CA10: variants seen among roughly 807,000 people sequenced by gnomAD.
CA10 encodes the protein carbonic anhydrase-related protein 10.
Under a neutral mutation model 44.2 loss-of-function variants are expected in CA10, and 14 were observed. The observed-to-expected ratio is 0.32, with a 90% CI of 0.21 to 0.50. The LOEUF (loss-of-function observed/expected upper bound fraction) is 0.50. Ranked by LOEUF, CA10 falls within the 20% of genes least tolerant of loss-of-function variation. The probability of loss-of-function intolerance (pLI) is 0.99; values close to 1 mark genes in which losing one functional copy is unlikely to be tolerated. For missense variants in CA10, 350 were observed against 409.7 expected (o/e 0.85, Z 1.26); for synonymous variants, 159 against 141.6 (o/e 1.12, Z -0.87).
chr17:51,992,432 A>G (rs1214894468), intron 2 of CA10, among the ~76,000 whole-genome samples: 1 of 152,090 alleles, frequency 6.6e-6, no homozygotes, highest in Non-Finnish European at 1.5e-5. Flanking sequence ...TATTTTCTCT[A>G]TATGCCTATA....
At chr17:52,113,580 G>A (rs907445054) in intron 1 of CA10, among the ~76,000 whole-genome samples, 7 of 152,124 alleles carry the variant, frequency 4.6e-5, no homozygotes, top group Non-Finnish European at 1.0e-4. Flanking sequence ...GACAACAGTG[G>A]AAAAGATACT....
rs1467397435 is a variant in CA10 at position 51,959,249 on chromosome 17, G to T, written c.137-28117C>A. Among the ~76,000 whole-genome samples the T allele has an allele frequency of 2.9e-5, 4 of 138,456 alleles. 1 individual carries two copies. The highest frequency in any genetic ancestry group is 1.1e-4 in the African/African-American group (4 of 36,782). The allele number at this position is 138,456 out of a possible 152,430, so 90.8% of individuals were successfully genotyped here. ...TTTGAGCAGAGAAACTGGAAAACTAGGTTCCTATTGTTCTCTCTCTCGCTC... is the reference window on the plus strand; with the variant it reads ...TTTGAGCAGAGAAACTGGAAAACTATGTTCCTATTGTTCTCTCTCTCGCTC... On this transcript the variant is annotated intron_variant, in intron 2 of 8. Coordinates refer to ENST00000451037, the MANE Select transcript of CA10 (RefSeq NM_020178.5).
At chr17:51,915,386 C>T (rs985213087) in intron 3 of CA10, among the ~76,000 whole-genome samples, 1 of 152,224 alleles carries the variant, frequency 6.6e-6, no homozygotes, top group African/African-American at 2.4e-5. Flanking sequence ...ACATTCTTCC[C>T]TTTGGTTAAT....
chr17:52,010,470 A>G (rs1985751331), intron 2 of CA10, among the ~76,000 whole-genome samples: 1 of 151,966 alleles, frequency 6.6e-6, no homozygotes, highest in Non-Finnish European at 1.5e-5. Context: ...AATGGCATTC[A>G]CAGCAACCTG....
At chr17:51,916,497 A>G (rs960282303) in intron 3 of CA10, among the ~76,000 whole-genome samples, 2 of 152,122 alleles carry the variant, frequency 1.3e-5, no homozygotes, top group Non-Finnish European at 2.9e-5. Context: ...TTCTTGTGAG[A>G]GTAAGTTTCA....
chr17:51,686,728 C>G (rs1406941534), intron 4 of CA10, among the ~76,000 whole-genome samples: 1 of 152,034 alleles, frequency 6.6e-6, no homozygotes, highest in African/African-American at 2.4e-5. Context: ...GTAATATGAC[C>G]AAATAAACTT....
intron 2 of CA10, among the ~76,000 whole-genome samples, chr17:51,999,855 A>T (rs1453921453): frequency 2.0e-5 from 3 of 152,020 alleles, no homozygotes; most frequent in African/African-American, 7.2e-5. Context: ...CTGTTTATCC[A>T]GCACCCACAA....
At chr17:51,818,618 C>T (rs112498685) in intron 3 of CA10, among the ~76,000 whole-genome samples, 104 of 152,226 alleles carry the variant, frequency 6.8e-4, no homozygotes, top group Non-Finnish European at 1.2e-3. Flanking sequence ...AAGGAGGGAT[C>T]GCTTTCGTGA....
intron 3 of CA10, among the ~76,000 whole-genome samples, chr17:51,787,498 CTTT>C (rs575519452): frequency 6.9e-6 from 1 of 144,278 alleles, no homozygotes. Flanking sequence ...CTTTTTTTTC[CTTT>C]TTTTTTTTGA....
intron 2 of CA10, among the ~76,000 whole-genome samples, chr17:51,959,797 G>GAAAAAAAAAAAAAAAAAAGAA (rs3062037): frequency 8.9e-6 from 1 of 112,374 alleles, no homozygotes; most frequent in African/African-American, 3.3e-5. Context: ...CTGCTAAGAT[G>GAAAAAAAAAAAAAAAAAAGAA]AAAAAAAAAA....
chr17:51,804,494 G>C (rs1463236771), intron 3 of CA10, among the ~76,000 whole-genome samples: 1 of 152,158 alleles, frequency 6.6e-6, no homozygotes, highest in African/African-American at 2.4e-5. Flanking sequence ...ACTGCTCCCT[G>C]TATCTCATTC....
intron 3 of CA10, among the ~76,000 whole-genome samples, chr17:51,840,634 G>A (rs1419347542): frequency 6.6e-6 from 1 of 152,142 alleles, no homozygotes; most frequent in East Asian, 1.9e-4. Flanking sequence ...TTAGCTTGAG[G>A]ATGGGAAGGA....
intron 3 of CA10, among the ~76,000 whole-genome samples, chr17:51,801,726 G>A (rs188177957): frequency 6.6e-5 from 10 of 152,254 alleles, no homozygotes; most frequent in Non-Finnish European, 1.3e-4. Context: ...AGAACTTCAT[G>A]AAAATTATAG....
At position 51,862,747 on chromosome 17, in the gene CA10, A is replaced by G. The variant is rs538451930; in HGVS notation, c.279+68243T>C. ...GTGAGGGTGCTTTTCCTCTGTTCAC[A>G]TGGCCTTTTTTTTTCTCTGTGTGTT... On this transcript the variant is annotated intron_variant, in intron 3 of 8. Transcript: ENST00000451037. Among the ~76,000 whole-genome samples the G allele has an allele frequency of 2.0e-5, 3 of 151,324 alleles. No individual in the cohort carries two copies. The South Asian group carries it at 6.3e-4, about 32-fold the overall frequency.
intron 3 of CA10, among the ~76,000 whole-genome samples, chr17:51,916,704 C>T (rs111751783): frequency 0.015 from 2,264 of 152,154 alleles, 40 homozygotes; most frequent in African/African-American, 0.051. Flanking sequence ...TGAAAGCAGA[C>T]TAATACAAAG....
intron 1 of CA10, among the ~76,000 whole-genome samples, chr17:52,084,779 T>C (rs1158312734): frequency 1.3e-5 from 2 of 150,642 alleles, no homozygotes; most frequent in Non-Finnish European, 2.9e-5. Context: ...CAAGGAAAAC[T>C]CTGGTTTTAG....
At chr17:51,654,237 C>G (rs1913694024) in intron 4 of CA10, among the ~76,000 whole-genome samples, 1 of 152,242 alleles carries the variant, frequency 6.6e-6, no homozygotes, top group Non-Finnish European at 1.5e-5. Flanking sequence ...GCTGATGGAT[C>G]AGGCTTCTGA....
intron 2 of CA10, among the ~76,000 whole-genome samples, chr17:51,950,640 G>C (rs577960200): frequency 6.6e-6 from 1 of 152,230 alleles, no homozygotes; most frequent in African/African-American, 2.4e-5. Context: ...CCTATTATTA[G>C]AAGGCCCTAG....
At chr17:52,044,411 C>T (rs1482513008) in intron 2 of CA10, among the ~76,000 whole-genome samples, 1 of 152,088 alleles carries the variant, frequency 6.6e-6, no homozygotes, top group African/African-American at 2.4e-5. Context: ...TCAAGCAATC[C>T]TCCCACCTCA....
Sources: allele counts gnomAD v4.1 joint callset (sites outside exome capture counted in the v4.1 genomes callset), GRCh38; gene constraint gnomAD v4.1.1; transcripts MANE v1.5; gene names NCBI Gene and HGNC (gene_info 2026-07-23, HGNC 2026-07-21).